CCDC85A: variants seen among roughly 807,000 people sequenced by gnomAD.
CCDC85A encodes coiled-coil domain containing 85A, also known as coiled-coil domain-containing protein 85A.
Under a neutral mutation model 50.2 loss-of-function variants are expected in CCDC85A, and 38 were observed. The ratio of observed to expected loss-of-function variants is 0.76; its 90% CI spans 0.58 to 0.99. CCDC85A has a LOEUF of 0.99. CCDC85A is among the 50% of genes least tolerant of loss of function. CCDC85A has a pLI of 0.00. For missense variants in CCDC85A, 820 were observed against 742.0 expected (o/e 1.11, Z -1.22); for synonymous variants, 366 against 301.4 (o/e 1.21, Z -2.22).
At position 56,385,362 on chromosome 2, in the gene CCDC85A, A is replaced by G. The variant is rs1352684265; in HGVS notation, c.*1007A>G. The stretch of plus-strand genomic sequence containing the variant: ...ACGCATGTCCTTCATTATTGAGGCT[A>G]AAAGCTCTTGTTCAGATTGCTTGAG... On this transcript the variant is annotated 3_prime_UTR_variant, in exon 6 of 6. Transcript: ENST00000407595. The G allele has an allele frequency of 1.3e-5, 2 of 152,208 alleles. No individual in the cohort carries two copies. The highest frequency in any genetic ancestry group is 3.9e-4 in the East Asian group (2 of 5,152). The allele number at this position is 152,208 out of a possible 1,614,324, so 9.4% of individuals were successfully genotyped here.
intron 3 of CCDC85A, among the ~76,000 whole-genome samples, chr2:56,368,872 T>C (rs10184031): frequency 0.12 from 17,777 of 151,986 alleles, 1,061 homozygotes; most frequent in African/African-American, 0.14. Context: ...AATAAGAAAC[T>C]CAGTATATTT....
intron 2 of CCDC85A, among the ~76,000 whole-genome samples, chr2:56,197,237 C>T (rs1406061442): frequency 6.6e-6 from 1 of 152,122 alleles, no homozygotes; most frequent in African/African-American, 2.4e-5. Flanking sequence ...TTATTTTGGA[C>T]CAGATAATTC....
At chr2:56,249,889 T>C (rs997572728) in intron 2 of CCDC85A, among the ~76,000 whole-genome samples, 3 of 152,210 alleles carry the variant, frequency 2.0e-5, no homozygotes, top group African/African-American at 4.8e-5. Flanking sequence ...CTGTGTCCCA[T>C]TAAAATTTAA....
At chr2:56,300,979 T>TG (rs1672176547) in intron 2 of CCDC85A, among the ~76,000 whole-genome samples, 1 of 152,210 alleles carries the variant, frequency 6.6e-6, no homozygotes, top group East Asian at 1.9e-4. Context: ...ATCTGGATTT[T>TG]GAAACCCTGG....
chr2:56,323,730 T>C (rs1471209414), intron 2 of CCDC85A, among the ~76,000 whole-genome samples: 2 of 152,122 alleles, frequency 1.3e-5, no homozygotes, highest in African/African-American at 4.8e-5. Context: ...TGAGGAGCTG[T>C]AGCTTCAGAC....
rs1028491350 is a variant in CCDC85A at position 56,332,416 on chromosome 2, G to T, written c.1241-10463G>T. Among the ~76,000 whole-genome samples the T allele has an allele frequency of 2.6e-5, 4 of 152,172 alleles. No individual in the cohort carries two copies. In the East Asian group the frequency reaches 7.7e-4, roughly 29 times the overall value. On this transcript the variant is annotated intron_variant, in intron 2 of 5. Transcript: ENST00000407595. Reference sequence around the variant, plus strand: ...ATTTGGTGTCTGGTGGAAGCCCATAGGCAGTGCCTGCCATGAAGGGGAAAG... The same window carrying T: ...ATTTGGTGTCTGGTGGAAGCCCATATGCAGTGCCTGCCATGAAGGGGAAAG...
intron 5 of CCDC85A, chr2:56,383,552 A>G (rs1445723600): frequency 1.1e-5 from 11 of 981,062 alleles, no homozygotes; most frequent in African/African-American, 1.8e-5. Context: ...TTGTAATTGT[A>G]TCTCTTTCAG....
chr2:56,193,500 T>TC (rs1391074219), intron 2 of CCDC85A, 60 bp downstream of exon 2: 2 of 1,494,420 alleles, frequency 1.3e-6, no homozygotes, highest in Non-Finnish European at 1.8e-6. Context: ...GAGTTACGAA[T>TC]GATGATGGAC....
chr2:56,298,678 A>C (rs1672064897), intron 2 of CCDC85A, among the ~76,000 whole-genome samples: 1 of 152,194 alleles, frequency 6.6e-6, no homozygotes, highest in Non-Finnish European at 1.5e-5. Context: ...GAGATCACTT[A>C]AAATGGTTTG....
chr2:56,311,596 C>G (rs548588393), intron 2 of CCDC85A, among the ~76,000 whole-genome samples: 1 of 151,988 alleles, frequency 6.6e-6, no homozygotes, highest in Admixed American at 6.6e-5. Flanking sequence ...TTAGGTATAT[C>G]TCCTAATGCT....
At chr2:56,316,328 T>G (rs938292664) in intron 2 of CCDC85A, among the ~76,000 whole-genome samples, 1 of 152,118 alleles carries the variant, frequency 6.6e-6, no homozygotes, top group African/African-American at 2.4e-5. Flanking sequence ...GATTTATATC[T>G]TTTTTGGATT....
chr2:56,198,651 T>C (rs1165732339), intron 2 of CCDC85A, among the ~76,000 whole-genome samples: 2 of 152,190 alleles, frequency 1.3e-5, no homozygotes, highest in Admixed American at 1.3e-4. Flanking sequence ...AGGAAAACTA[T>C]TGGAAAACCT....
intron 2 of CCDC85A, among the ~76,000 whole-genome samples, chr2:56,294,361 G>A (rs1671852820): frequency 2.0e-5 from 3 of 152,168 alleles, no homozygotes; most frequent in African/African-American, 7.2e-5. Flanking sequence ...GTGGTGGGTT[G>A]ATAGATGTGG....
chr2:56,324,403 C>T (rs988413200), intron 2 of CCDC85A, among the ~76,000 whole-genome samples: 2 of 151,638 alleles, frequency 1.3e-5, no homozygotes, highest in Non-Finnish European at 2.9e-5. Flanking sequence ...CTATGTACTC[C>T]CTGAGGAGAC....
At chr2:56,348,405 A>G (rs1019222703) in intron 3 of CCDC85A, among the ~76,000 whole-genome samples, 2 of 152,278 alleles carry the variant, frequency 1.3e-5, no homozygotes, top group Non-Finnish European at 2.9e-5. Context: ...GGTAACTCAG[A>G]TCACCCCTGA....
intron 5 of CCDC85A, among the ~76,000 whole-genome samples, chr2:56,382,656 C>G (rs1446749327): frequency 6.6e-6 from 1 of 151,958 alleles, no homozygotes; most frequent in East Asian, 1.9e-4. Flanking sequence ...AGTCACTACT[C>G]CTGTGTCAAC....
chr2:56,367,822 A>G (rs909684926), intron 3 of CCDC85A, among the ~76,000 whole-genome samples: 1 of 152,218 alleles, frequency 6.6e-6, no homozygotes, highest in Admixed American at 6.5e-5. Context: ...GCAAATGCTT[A>G]TAGAGCACTT....
At chr2:56,268,260 G>T (rs1220048962) in intron 2 of CCDC85A, among the ~76,000 whole-genome samples, 1 of 152,110 alleles carries the variant, frequency 6.6e-6, no homozygotes. Flanking sequence ...ACAGATTCAG[G>T]TTTCATGGGG....
intron 2 of CCDC85A, among the ~76,000 whole-genome samples, chr2:56,320,635 G>A (rs1247262296): frequency 6.6e-6 from 1 of 152,096 alleles, no homozygotes; most frequent in Non-Finnish European, 1.5e-5. Flanking sequence ...CTCTGAAATT[G>A]AGGCAATAAT....
Sources: allele counts gnomAD v4.1 joint callset (sites outside exome capture counted in the v4.1 genomes callset), GRCh38; gene constraint gnomAD v4.1.1; transcripts MANE v1.5; gene names NCBI Gene and HGNC (gene_info 2026-07-23, HGNC 2026-07-21).